Variants in PHF14 observed in about 807,000 individuals in gnomAD.
The protein encoded by PHF14 is PHD finger protein 14.
Under a neutral mutation model 117.9 loss-of-function variants are expected in PHF14, and 55 were observed. The observed-to-expected ratio is 0.47, with a 90% CI of 0.38 to 0.58. The LOEUF is 0.58. Ranked by LOEUF, PHF14 falls within the 20% of genes least tolerant of loss-of-function variation. The probability of loss-of-function intolerance (pLI) is 0.00; values close to 1 mark genes in which losing one functional copy is unlikely to be tolerated. For missense variants in PHF14, 978 were observed against 1,122.2 expected (o/e 0.87, Z 1.84); for synonymous variants, 409 against 368.6 (o/e 1.11, Z -1.26).
At chr7:11,114,519 G>A (rs1431682194) in intron 17 of PHF14, among the ~76,000 whole-genome samples, 2 of 151,828 alleles carry the variant, frequency 1.3e-5, no homozygotes, top group Non-Finnish European at 2.9e-5. Context: ...ACATGAAAGC[G>A]GAAATACACC....
chr7:11,162,120 G>T (rs1399380955), intron 17 of PHF14, among the ~76,000 whole-genome samples: 7 of 99,018 alleles, frequency 7.1e-5, no homozygotes, highest in African/African-American at 2.5e-4. Context: ...ACAGAGCCTT[G>T]CTCTGTCTCC....
At chr7:11,122,424 T>C (rs1002163329) in intron 17 of PHF14, among the ~76,000 whole-genome samples, 10 of 128,608 alleles carry the variant, frequency 7.8e-5, no homozygotes, top group Admixed American at 1.6e-4. Flanking sequence ...TATATATATA[T>C]ACACGTATAT....
At chr7:11,074,496 C>T (rs1262089424) in intron 16 of PHF14, among the ~76,000 whole-genome samples, 1 of 152,184 alleles carries the variant, frequency 6.6e-6, no homozygotes, top group Non-Finnish European at 1.5e-5. Context: ...AGGCATGAGC[C>T]ACCGTGCCTG....
chr7:10,982,908 A>T lies in PHF14; in HGVS notation c.649A>T (p.Thr217Ser), dbSNP rs1231505837. The T allele has an allele frequency of 6.2e-7, 1 of 1,612,760 alleles. No individual in the cohort carries two copies. Among genetic ancestry groups the T allele is most frequent in the East Asian group, 2.2e-5 (1 of 44,870 alleles). The stretch of plus-strand genomic sequence containing the variant: ...TGAGGATGACAATGATTGGCGACCT[A>T]CTGTAGTAAAGAGAAAAGGGAGATC... ...DSEDDNDWRP[T>S]VVKRKGRSAS... Residue 217 changes from threonine to serine, a missense_variant, in exon 3 of 18, where the codon ACT becomes TCT. This residue lies in a region of PHF14 where 414 missense variants were observed against 376.4 expected (regional missense o/e 1.10). Coordinates refer to ENST00000634607, the MANE Select transcript of PHF14 (RefSeq NM_001007157.2).
chr7:10,986,429 A>G (rs1782229632), intron 3 of PHF14, among the ~76,000 whole-genome samples: 2 of 152,166 alleles, frequency 1.3e-5, no homozygotes, highest in African/African-American at 4.8e-5. Flanking sequence ...ACTTCATGGT[A>G]CTCCCATGAG....
chr7:11,164,613 G>T (rs940747214), intron 17 of PHF14, among the ~76,000 whole-genome samples: 2 of 152,006 alleles, frequency 1.3e-5, no homozygotes, highest in Non-Finnish European at 2.9e-5. Context: ...TTTATTTTCT[G>T]TTTCTTTAAT....
chr7:11,082,466 C>G (rs1481321810), intron 16 of PHF14, among the ~76,000 whole-genome samples: 3 of 152,116 alleles, frequency 2.0e-5, no homozygotes, highest in Non-Finnish European at 4.4e-5. Context: ...TATAAATTTT[C>G]TTCCCTCACA....
chr7:10,993,678 G>T (rs963060057), intron 4 of PHF14, among the ~76,000 whole-genome samples: 27 of 152,058 alleles, frequency 1.8e-4, no homozygotes, highest in African/African-American at 6.5e-4. Context: ...TGTGTGTGAG[G>T]GTGGTTGGGT....
chr7:11,032,663 C>G (rs1211346370), intron 7 of PHF14, among the ~76,000 whole-genome samples: 2 of 152,172 alleles, frequency 1.3e-5, no homozygotes, highest in Non-Finnish European at 2.9e-5. Flanking sequence ...GCCACAGGCT[C>G]TAAGTTCTCA....
chr7:11,116,121 T>C (rs1452150346), intron 17 of PHF14, among the ~76,000 whole-genome samples: 1 of 152,032 alleles, frequency 6.6e-6, no homozygotes, highest in African/African-American at 2.4e-5. Context: ...TGTTATTATT[T>C]ATTGTTATTT....
At chr7:10,981,078 GT>G (rs1327463970) in intron 2 of PHF14, among the ~76,000 whole-genome samples, 1 of 152,212 alleles carries the variant, frequency 6.6e-6, no homozygotes, top group Middle Eastern at 3.4e-3. Context: ...CTTGCAGGAT[GT>G]TTTTGTTAGC....
intron 16 of PHF14, among the ~76,000 whole-genome samples, chr7:11,082,475 C>A (rs1339673260): frequency 2.0e-5 from 3 of 152,234 alleles, no homozygotes; most frequent in African/African-American, 4.8e-5. Context: ...TCTTCCCTCA[C>A]ATTTTCAATG....
chr7:11,093,893 C>T (rs1216355807), intron 16 of PHF14, among the ~76,000 whole-genome samples: 1 of 152,060 alleles, frequency 6.6e-6, no homozygotes, highest in Non-Finnish European at 1.5e-5. Context: ...TATACTGGGC[C>T]CAGAAATGTT....
chr7:11,062,057 G>A lies in PHF14; in HGVS notation c.2626G>A (p.Gly876Arg). 6.2e-7 allele frequency: 1 copy of A among 1,607,990 alleles called. No individual in the cohort carries two copies. Among genetic ancestry groups the A allele is most frequent in the African/African-American group, 1.3e-5 (1 of 74,870 alleles). Residue 876 changes from glycine (G) to arginine (R), a missense_variant, in exon 16 of 18, where the codon GGA (glycine) becomes AGA (arginine). Transcript: ENST00000634607. ...DLRTECATCK[G>R]TGDNENLVRC... is the part of the protein sequence containing the mutation. ...AAGAACTGAATGTGCAACTTGCAAG[G>A]GAACTGGAGACAATGAAAATCTTGT... is the stretch of plus-strand genomic sequence containing the variant.
At chr7:11,111,755 C>T (rs771562102) in intron 17 of PHF14, among the ~76,000 whole-genome samples, 1 of 151,992 alleles carries the variant, frequency 6.6e-6, no homozygotes, top group Non-Finnish European at 1.5e-5. Context: ...AGATCACTCT[C>T]TGCTAACTTA....
rs990414641 is a variant in PHF14 at position 11,130,310 on chromosome 7, T to A, written c.2772+18843T>A. On this transcript the variant is annotated intron_variant, in intron 17 of 17. Transcript: ENST00000634607. This position sits in a 1 kb window ranked among gnomAD's most constrained non-coding sequence, Gnocchi z 4.2. ...GTAATGCTACCACCATATGCTACCA[T>A]ACTTCCAAGACCTTTCTGGGATTCA... Among the ~76,000 whole-genome samples, 1 of 152,044 alleles carries A rather than the reference T, an allele frequency of 6.6e-6. No individual in the cohort carries two copies. Among genetic ancestry groups the A allele is most frequent in the Non-Finnish European group, 1.5e-5 (1 of 67,958 alleles).
intron 16 of PHF14, among the ~76,000 whole-genome samples, chr7:11,085,966 T>C (rs926454160): frequency 2.0e-5 from 3 of 152,222 alleles, no homozygotes; most frequent in East Asian, 1.9e-4. Context: ...CCAGCATTTA[T>C]TAGTTGTAAC....
intron 13 of PHF14, among the ~76,000 whole-genome samples, chr7:11,045,600 T>C (rs1379265800): frequency 1.3e-5 from 2 of 152,210 alleles, no homozygotes; most frequent in Non-Finnish European, 2.9e-5. Context: ...AGCACTGTTT[T>C]CAAGGAGACA....
intron 17 of PHF14, among the ~76,000 whole-genome samples, chr7:11,127,697 A>G (rs909370373): frequency 6.6e-6 from 1 of 152,074 alleles, no homozygotes; most frequent in African/African-American, 2.4e-5. Context: ...ACCTTTCCTC[A>G]TTCTTCAGAC....
Sources: gnomAD v4.1 joint callset for allele counts (sites outside exome capture counted in the v4.1 genomes callset) on GRCh38, gnomAD v4.1.1 for gene constraint, gnomAD v4.1.1 regional missense constraint, Gnocchi (gnomAD v3.1) non-coding constraint, MANE v1.5 for transcripts, NCBI Gene and HGNC (gene_info 2026-07-23, HGNC 2026-07-21) for gene names.